IRF2: variants seen among roughly 807,000 people sequenced by gnomAD.
IRF2 encodes the protein interferon regulatory factor 2.
IRF2 carries 15 observed loss-of-function variants against 40.6 expected under a neutral mutation model. The observed-to-expected ratio is 0.37, with a 90% CI of 0.25 to 0.57. The LOEUF (loss-of-function observed/expected upper bound fraction) is 0.57. IRF2 is among the 20% of genes least tolerant of loss of function. The probability of loss-of-function intolerance (pLI) is 0.77; values close to 1 mark genes in which losing one functional copy is unlikely to be tolerated. For synonymous variants in IRF2, 151 were observed against 165.5 expected (o/e 0.91, Z 0.67); for missense variants, 317 against 455.7 (o/e 0.70, Z 2.77).
intron 1 of IRF2, chr4:184,473,977 CCA>C (rs1427870550): frequency 1.3e-5 from 2 of 152,654 alleles, no homozygotes; most frequent in African/African-American, 2.4e-5. Context: ...ACCTGCACCC[CCA>C]CACACAACAC....
At chr4:184,412,327 A>G (rs181078015) in intron 5 of IRF2, among the ~76,000 whole-genome samples, 169 of 152,224 alleles carry the variant, frequency 1.1e-3, no homozygotes, top group African/African-American at 3.9e-3. Flanking sequence ...CACTTGCTGA[A>G]TGGGCTTGGG....
chr4:184,451,680 G>A (rs1738719790), intron 1 of IRF2, among the ~76,000 whole-genome samples: 1 of 152,134 alleles, frequency 6.6e-6, no homozygotes, highest in Non-Finnish European at 1.5e-5. Flanking sequence ...TAAATGCTAG[G>A]AAACTGGTTT....
chr4:184,445,181 T>C (rs1443978651), intron 1 of IRF2, among the ~76,000 whole-genome samples: 1 of 152,180 alleles, frequency 6.6e-6, no homozygotes, highest in Admixed American at 6.5e-5. Flanking sequence ...GACCTGGAAC[T>C]GGGCCTCTGG....
At chr4:184,432,245 G>A (rs1319314230) in intron 1 of IRF2, among the ~76,000 whole-genome samples, 2 of 152,186 alleles carry the variant, frequency 1.3e-5, no homozygotes, top group Non-Finnish European at 2.9e-5. Context: ...GTGGTCACTC[G>A]GGGACATGTG....
chr4:184,458,571 G>A lies in IRF2; in HGVS notation c.-7+15808C>T, dbSNP rs560612081. Among the ~76,000 whole-genome samples, 71 of 152,204 alleles carry A rather than the reference G, an allele frequency of 4.7e-4. 1 individual carries two copies. The highest frequency in any genetic ancestry group is 1.6e-3 in the African/African-American group (66 of 41,534). On this transcript the variant is annotated intron_variant, in intron 1 of 8. Transcript: ENST00000393593. ...ACTAATTTTAAGGATTTTTAAAATC[G>A]TTGCCCCAAGCCTGAAGAGAATAAA... is the stretch of plus-strand genomic sequence containing the variant.
rs1184743840 is a variant in IRF2 at position 184,448,943 on chromosome 4, AACAACT to A, written c.-6-19879_-6-19874del. ...TCGACGTGTGCAAGACGGAAGCCTGAACAACTGTCAGTTCCACTTGCTCGTACTTGG... is the reference window on the plus strand; with the variant it reads ...TCGACGTGTGCAAGACGGAAGCCTGAGTCAGTTCCACTTGCTCGTACTTGG... On this transcript the variant is annotated intron_variant, in intron 1 of 8. Coordinates refer to ENST00000393593, the MANE Select transcript of IRF2 (RefSeq NM_002199.4). This position sits in a 1 kb window ranked among gnomAD's most constrained non-coding sequence, Gnocchi z 4.3. The A allele has an allele frequency of 6.6e-6, 1 of 152,262 alleles. No homozygotes were observed. The highest frequency in any genetic ancestry group is 1.5e-5 in the Non-Finnish European group (1 of 68,082). The allele number at this position is 152,262 out of a possible 1,614,324, so 9.4% of individuals were successfully genotyped here.
intron 1 of IRF2, among the ~76,000 whole-genome samples, chr4:184,442,097 C>T (rs900714588): frequency 1.3e-5 from 2 of 152,168 alleles, no homozygotes; most frequent in African/African-American, 4.8e-5. Flanking sequence ...CGTTCCAGCT[C>T]CTGAGCTGGC....
At chr4:184,463,627 T>A (rs1228756286) in intron 1 of IRF2, among the ~76,000 whole-genome samples, 2 of 152,226 alleles carry the variant, frequency 1.3e-5, no homozygotes, top group Admixed American at 6.5e-5. Context: ...CACATTATAT[T>A]TGTATTGGAC....
chr4:184,443,942 C>T (rs1738407076), intron 1 of IRF2, among the ~76,000 whole-genome samples: 1 of 152,196 alleles, frequency 6.6e-6, no homozygotes, highest in African/African-American at 2.4e-5. Context: ...AATTTGGCAA[C>T]ATGCAAATTC....
chr4:184,425,091 T>C (rs551673411), intron 2 of IRF2, among the ~76,000 whole-genome samples: 1 of 152,282 alleles, frequency 6.6e-6, no homozygotes, highest in East Asian at 1.9e-4. Flanking sequence ...ACAATAAACA[T>C]GAACACATCC....
intron 5 of IRF2, among the ~76,000 whole-genome samples, chr4:184,414,730 G>A (rs1737203158): frequency 1.3e-5 from 2 of 152,212 alleles, no homozygotes; most frequent in Non-Finnish European, 2.9e-5. Flanking sequence ...GATAAATCAT[G>A]AGTGACCCCA....
intron 1 of IRF2, chr4:184,472,347 C>T (rs1579124745): frequency 6.6e-6 from 1 of 152,242 alleles, no homozygotes; most frequent in South Asian, 2.1e-4. Flanking sequence ...TCAAGACTAT[C>T]CACCGCCTGG....
chr4:184,422,450 T>A (rs1737516329), intron 2 of IRF2, among the ~76,000 whole-genome samples: 1 of 152,162 alleles, frequency 6.6e-6, no homozygotes, highest in African/African-American at 2.4e-5. Context: ...ACCCAAAGAA[T>A]TCTAAGCCAA....
chr4:184,465,399 C>T (rs960494285), intron 1 of IRF2, among the ~76,000 whole-genome samples: 1 of 152,120 alleles, frequency 6.6e-6, no homozygotes, highest in African/African-American at 2.4e-5. Flanking sequence ...CATATTAGCA[C>T]TCTCTTGAGA....
At chr4:184,404,477 C>T (rs1022604873) in intron 6 of IRF2, among the ~76,000 whole-genome samples, 5 of 152,084 alleles carry the variant, frequency 3.3e-5, no homozygotes, top group African/African-American at 4.8e-5. Flanking sequence ...AATAACTCTG[C>T]GAGATGGGCA....
At chr4:184,427,872 T>C (rs757122895) in intron 2 of IRF2, among the ~76,000 whole-genome samples, 3 of 152,086 alleles carry the variant, frequency 2.0e-5, no homozygotes, top group Non-Finnish European at 4.4e-5. Context: ...AAATTATTCA[T>C]TGTGTCCTTA....
intron 2 of IRF2, among the ~76,000 whole-genome samples, chr4:184,425,975 G>GTTTT (rs1737653959): frequency 2.3e-5 from 2 of 86,594 alleles, no homozygotes; most frequent in Non-Finnish European, 4.5e-5. Context: ...GGCTCACTCC[G>GTTTT]GTTTTTGTTT....
intron 5 of IRF2, among the ~76,000 whole-genome samples, chr4:184,417,370 G>A (rs781634166): frequency 2.0e-5 from 3 of 152,236 alleles, no homozygotes; most frequent in South Asian, 4.1e-4. Context: ...AACACCCTCC[G>A]CCTAAATTTC....
intron 5 of IRF2, among the ~76,000 whole-genome samples, chr4:184,415,698 T>C (rs7677486): frequency 0.48 from 72,577 of 152,132 alleles, 18,477 homozygotes; most frequent in Non-Finnish European, 0.59. Flanking sequence ...GCAAAGTGTG[T>C]TGAAAAGGCA....
Sources: allele counts gnomAD v4.1 joint callset (sites outside exome capture counted in the v4.1 genomes callset), GRCh38; gene constraint gnomAD v4.1.1; non-coding constraint Gnocchi (gnomAD v3.1); transcripts MANE v1.5; gene names NCBI Gene and HGNC (gene_info 2026-07-23, HGNC 2026-07-21).